The following HS3ST5 variants were observed in gnomAD, a reference collection of about 807,000 sequenced individuals.
The protein encoded by HS3ST5 is heparan sulfate glucosamine 3-O-sulfotransferase 5.
HS3ST5 carries 10 observed loss-of-function variants against 25.4 expected under a neutral mutation model. The ratio of observed to expected loss-of-function variants is 0.39; its 90% CI spans 0.24 to 0.67. The LOEUF (loss-of-function observed/expected upper bound fraction) is 0.67, where lower values mean the gene tolerates loss of function less well. Ranked by LOEUF, HS3ST5 falls within the 30% of genes least tolerant of loss-of-function variation. The pLI, the probability that HS3ST5 is intolerant of heterozygous loss-of-function variation, is 0.44. For synonymous variants in HS3ST5, 170 were observed against 162.4 expected (o/e 1.05, Z -0.36); for missense variants, 324 against 420.7 (o/e 0.77, Z 2.01).
intron 3 of HS3ST5, among the ~76,000 whole-genome samples, chr6:114,138,286 A>C (rs527739943): frequency 1.1e-3 from 168 of 152,348 alleles, no homozygotes; most frequent in African/African-American, 3.6e-3. Context: ...TTGACTTGAA[A>C]AAATCATTAT....
chr6:114,082,559 TAAAGAA>T (rs923038688), intron 3 of HS3ST5, among the ~76,000 whole-genome samples: 5 of 152,160 alleles, frequency 3.3e-5, no homozygotes, highest in African/African-American at 1.2e-4. Context: ...TGAGCGGTGT[TAAAGAA>T]AAACAAAGCT....
At chr6:114,281,512 C>G (rs1184923158) in intron 1 of HS3ST5, among the ~76,000 whole-genome samples, 2 of 151,938 alleles carry the variant, frequency 1.3e-5, no homozygotes, top group Non-Finnish European at 2.9e-5. Context: ...TTTTCCAAGC[C>G]TATTTTCCAA....
intron 1 of HS3ST5, among the ~76,000 whole-genome samples, chr6:114,250,777 A>G (rs938325782): frequency 1.3e-5 from 2 of 152,180 alleles, no homozygotes; most frequent in African/African-American, 4.8e-5. Context: ...AGATTATTGG[A>G]AGGACAGTCA....
chr6:114,077,588 T>C (rs1445864763), intron 3 of HS3ST5, among the ~76,000 whole-genome samples: 1 of 152,314 alleles, frequency 6.6e-6, no homozygotes, highest in East Asian at 1.9e-4. Context: ...TGATATAGGC[T>C]CCTGCAGTTA....
chr6:114,062,779 T>C lies in HS3ST5; in HGVS notation c.67A>G (p.Ser23Gly). 2.5e-6 allele frequency: 4 copies of C among 1,614,032 alleles called. No homozygotes were observed. The highest frequency in any genetic ancestry group is 3.4e-6 in the Non-Finnish European group (4 of 1,179,948). Residue 23 changes from serine to glycine, a missense_variant, in exon 4 of 5, where the codon AGT becomes GGT. This residue lies in a region of HS3ST5 where 121 missense variants were observed against 117.3 expected (regional missense o/e 1.03). Coordinates refer to ENST00000312719, the MANE Select transcript of HS3ST5 (RefSeq NM_153612.4). Reference protein sequence around the residue: ...LLVLGSLAVGSLLYLVARVGS... With the variant: ...LLVLGSLAVGGLLYLVARVGS... Reference sequence around the variant, plus strand: ...ACTCTGGCGACTAGATACAGGAGACTCCCAACGGCAAGGCTTCCCAGCACC... The same window carrying C: ...ACTCTGGCGACTAGATACAGGAGACCCCCAACGGCAAGGCTTCCCAGCACC...
At chr6:114,306,543 A>G (rs1201523808) in intron 1 of HS3ST5, among the ~76,000 whole-genome samples, 1 of 151,958 alleles carries the variant, frequency 6.6e-6, no homozygotes. Flanking sequence ...TAATTTTTCT[A>G]AAGTGTTTCT....
At chr6:114,233,009 T>C (rs1771677010) in intron 1 of HS3ST5, among the ~76,000 whole-genome samples, 1 of 151,834 alleles carries the variant, frequency 6.6e-6, no homozygotes, top group African/African-American at 2.4e-5. Flanking sequence ...CCTCATATCA[T>C]CTGATCCCTG....
chr6:114,238,080 G>A (rs1398618863), intron 1 of HS3ST5, among the ~76,000 whole-genome samples: 2 of 152,174 alleles, frequency 1.3e-5, no homozygotes, highest in East Asian at 3.8e-4. Context: ...GGAACACAAA[G>A]TTCACTGCTA....
At chr6:114,131,314 T>C (rs911901431) in intron 3 of HS3ST5, 2 of 152,158 alleles carry the variant, frequency 1.3e-5, no homozygotes, top group African/African-American at 4.8e-5. Flanking sequence ...ATTCATAAAG[T>C]AGAATACAAG....
At chr6:114,073,533 A>C (rs1025506214) in intron 3 of HS3ST5, among the ~76,000 whole-genome samples, 3 of 152,248 alleles carry the variant, frequency 2.0e-5, no homozygotes, top group Non-Finnish European at 2.9e-5. Context: ...CAGACATATG[A>C]AAAAATGCTC....
chr6:114,100,897 T>C (rs1341594718), intron 3 of HS3ST5, among the ~76,000 whole-genome samples: 3 of 152,232 alleles, frequency 2.0e-5, no homozygotes, highest in African/African-American at 7.2e-5. Context: ...AAGATTTGTG[T>C]AAAATTAAAG....
chr6:114,254,775 C>T (rs1482794392), intron 1 of HS3ST5, among the ~76,000 whole-genome samples: 1 of 152,126 alleles, frequency 6.6e-6, no homozygotes, highest in Non-Finnish European at 1.5e-5. Flanking sequence ...TCTCATGAGA[C>T]TTACTCACTA....
At chr6:114,148,557 G>T (rs1275490039) in intron 3 of HS3ST5, among the ~76,000 whole-genome samples, 4 of 152,134 alleles carry the variant, frequency 2.6e-5, no homozygotes, top group Non-Finnish European at 2.9e-5. Flanking sequence ...GGAGGTGGAG[G>T]TTGCAGAGAG....
intron 1 of HS3ST5, among the ~76,000 whole-genome samples, chr6:114,229,272 ATG>A (rs1249872649): frequency 1.1e-4 from 17 of 152,228 alleles, no homozygotes; most frequent in African/African-American, 4.1e-4. Context: ...TTTAGTCAAA[ATG>A]TGTTGCCTAT....
chr6:114,270,570 A>G (rs1242735408), intron 1 of HS3ST5, among the ~76,000 whole-genome samples: 5 of 152,166 alleles, frequency 3.3e-5, no homozygotes, highest in Non-Finnish European at 7.4e-5. Context: ...ATTGACTTAA[A>G]TGGGCAGGAG....
At chr6:114,161,221 C>T (rs538072859) in intron 3 of HS3ST5, among the ~76,000 whole-genome samples, 24 of 151,486 alleles carry the variant, frequency 1.6e-4, no homozygotes, top group African/African-American at 3.9e-4. Context: ...GATTGGTCCT[C>T]GGGTTTCTCA....
chr6:114,228,236 C>A (rs925284716), intron 2 of HS3ST5, among the ~76,000 whole-genome samples: 1 of 152,052 alleles, frequency 6.6e-6, no homozygotes, highest in African/African-American at 2.4e-5. Context: ...GAAATATCCC[C>A]AGGGATTAGC....
chr6:114,257,582 C>T (rs75556053), intron 1 of HS3ST5, among the ~76,000 whole-genome samples: 2,541 of 152,272 alleles, frequency 0.017, 86 homozygotes, highest in African/African-American at 0.057. Flanking sequence ...TTGATTAAAA[C>T]TAACAAGAAA....
At chr6:114,177,673 G>C (rs1779786479) in intron 2 of HS3ST5, among the ~76,000 whole-genome samples, 1 of 152,162 alleles carries the variant, frequency 6.6e-6, no homozygotes, top group Non-Finnish European at 1.5e-5. Context: ...ACTAACAAAA[G>C]ACTTAGTCCT....
Sources: gnomAD v4.1 joint callset for allele counts (sites outside exome capture counted in the v4.1 genomes callset) on GRCh38, gnomAD v4.1.1 for gene constraint, gnomAD v4.1.1 regional missense constraint, MANE v1.5 for transcripts, NCBI Gene and HGNC (gene_info 2026-07-23, HGNC 2026-07-21) for gene names.